LRRN1: variants seen among roughly 807,000 people sequenced by gnomAD.
LRRN1 encodes leucine-rich repeat neuronal protein 1.
Under a neutral mutation model 45.8 loss-of-function variants are expected in LRRN1, and 14 were observed. The observed-to-expected ratio is 0.31, with a 90% CI of 0.20 to 0.48. The LOEUF is 0.48. LRRN1 is among the 20% of genes least tolerant of loss of function. The pLI, the probability that LRRN1 is intolerant of heterozygous loss-of-function variation, is 0.99. For synonymous variants in LRRN1, 359 were observed against 330.1 expected, an observed-to-expected ratio of 1.09 and a Z score of -0.95; for missense variants, 789 against 874.2, an observed-to-expected ratio of 0.90 and a Z score of 1.23.
intron 1 of LRRN1, among the ~76,000 whole-genome samples, chr3:3,804,633 T>C (rs186400842): frequency 5.9e-5 from 9 of 152,316 alleles, no homozygotes; most frequent in Admixed American, 5.2e-4. Context: ...AAAGCTCCGA[T>C]TAATATAAAT....
intron 1 of LRRN1, among the ~76,000 whole-genome samples, chr3:3,831,342 G>T (rs1477159786): frequency 6.6e-6 from 1 of 152,178 alleles, no homozygotes; most frequent in African/African-American, 2.4e-5. Flanking sequence ...TTACTGAGGG[G>T]GAAGATTCCT....
chr3:3,804,299 A>G (rs1692712996), intron 1 of LRRN1: 1 of 152,192 alleles, frequency 6.6e-6, no homozygotes, highest in Non-Finnish European at 1.5e-5. Context: ...TGGAAGGACT[A>G]ACTGCCATAA....
In LRRN1 at chr3:3,848,010, A is replaced by G. The variant is rs1417614825; in HGVS notation, c.*1218A>G. ...GTATATATATATGAATATATTGGATATGTCATTTCTGTAAGAGTTTTGTTA... is the reference window on the plus strand; with the variant it reads ...GTATATATATATGAATATATTGGATGTGTCATTTCTGTAAGAGTTTTGTTA... On this transcript the variant is annotated 3_prime_UTR_variant, in exon 2 of 2. Coordinates refer to ENST00000319331, the MANE Select transcript of LRRN1 (RefSeq NM_020873.7). Among the ~76,000 whole-genome samples, 5 of 152,152 alleles carry G rather than the reference A, an allele frequency of 3.3e-5. No homozygotes were observed. The highest frequency in any genetic ancestry group is 7.2e-5 in the African/African-American group (3 of 41,444).
In LRRN1 at chr3:3,846,893, C is replaced by G; in HGVS notation, c.*101C>G. 1 of 1,065,236 alleles carries G rather than the reference C, an allele frequency of 9.4e-7. No individual in the cohort carries two copies. The highest frequency in any genetic ancestry group is 1.7e-5 in the South Asian group (1 of 57,798). 66.0% of individuals were successfully genotyped at this position (1,065,236 alleles called of 1,614,324 possible). The stretch of plus-strand genomic sequence containing the variant: ...GAAGACTTTTGTATTTTTGACTTTG[C>G]TAGTTTGTGGCAGAGTGGAGAGGAC... On this transcript the variant is annotated 3_prime_UTR_variant, in exon 2 of 2. Coordinates refer to ENST00000319331, the MANE Select transcript of LRRN1 (RefSeq NM_020873.7). This position sits in a 1 kb window ranked among gnomAD's most constrained non-coding sequence, Gnocchi z 5.7.
In LRRN1 at chr3:3,816,638, G is replaced by A. The variant is rs893757836; in HGVS notation, c.-279+16719G>A. 6.6e-6 allele frequency among the ~76,000 whole-genome samples: 1 copy of A among 152,134 alleles called. No homozygotes were observed. Among genetic ancestry groups the A allele is most frequent in the Admixed American group, 6.5e-5 (1 of 15,268 alleles). ...ACCCTTATTAAAGGCAAAAATATAGGTATTACAATTTGAAACTATAAAAGC... is the reference window on the plus strand; with the variant it reads ...ACCCTTATTAAAGGCAAAAATATAGATATTACAATTTGAAACTATAAAAGC... On this transcript the variant is annotated intron_variant, in intron 1 of 1. Coordinates refer to ENST00000319331, the MANE Select transcript of LRRN1 (RefSeq NM_020873.7). This position sits in a 1 kb window ranked among gnomAD's most constrained non-coding sequence, Gnocchi z 4.0.
At chr3:3,807,103 CG>C (rs1559280850) in intron 1 of LRRN1, among the ~76,000 whole-genome samples, 1 of 152,148 alleles carries the variant, frequency 6.6e-6, no homozygotes, top group Non-Finnish European at 1.5e-5. Flanking sequence ...TACGATGCAT[CG>C]GTTAAAAAGT....
intron 1 of LRRN1, among the ~76,000 whole-genome samples, chr3:3,837,348 TAACCCCACACCA>T (rs2106467627): frequency 6.6e-6 from 1 of 152,004 alleles, no homozygotes; most frequent in African/African-American, 2.4e-5. Context: ...CCCCATTTTA[TAACCCCACACCA>T]AGTGTCAAGA....
intron 1 of LRRN1, among the ~76,000 whole-genome samples, chr3:3,840,383 A>T (rs543977013): frequency 6.6e-6 from 1 of 152,174 alleles, no homozygotes; most frequent in Non-Finnish European, 1.5e-5. Context: ...AGTATGCATT[A>T]GGGATATTGG....
chr3:3,823,254 G>T (rs1693142608), intron 1 of LRRN1, among the ~76,000 whole-genome samples: 1 of 152,146 alleles, frequency 6.6e-6, no homozygotes, highest in South Asian at 2.1e-4. Context: ...TAGAGCATGG[G>T]CTTTGAAACC....
chr3:3,811,495 T>C (rs1347957081), intron 1 of LRRN1, among the ~76,000 whole-genome samples: 2 of 152,242 alleles, frequency 1.3e-5, no homozygotes, highest in Non-Finnish European at 2.9e-5. Context: ...TTCCGTATCA[T>C]ATGTCTATTT....
At chr3:3,806,040 G>A (rs1219879483) in intron 1 of LRRN1, among the ~76,000 whole-genome samples, 1 of 146,220 alleles carries the variant, frequency 6.8e-6, no homozygotes, top group Non-Finnish European at 1.5e-5. Context: ...TGCCTCTGAG[G>A]GGACATTAGG....
Position 3,846,067 on chromosome 3 carries a change from T to A in LRRN1, c.1426T>A (p.Tyr476Asn). 1 of 1,614,084 alleles carries A rather than the reference T, an allele frequency of 6.2e-7. No homozygotes were observed. The highest frequency in any genetic ancestry group is 8.5e-7 in the Non-Finnish European group (1 of 1,179,992). ...AACTGTGGAAACCCTTTCAGATAAA[T>A]ACAAGCTAAGTAGCGAAGGTACCTT... is the stretch of plus-strand genomic sequence containing the variant. ...KITVETLSDK[Y>N]KLSSEGTLEI... is the part of the protein sequence containing the mutation. The change falls in exon 2 of 2, where the codon TAC becomes AAC. Residue 476 changes from tyrosine (Y) to asparagine (N), a missense_variant. Tyr to Asn is a moderately radical substitution (Grantham distance 143). Transcript: ENST00000319331. This position sits in a 1 kb window ranked among gnomAD's most constrained non-coding sequence, Gnocchi z 5.7.
At chr3:3,812,481 T>C (rs1692896571) in intron 1 of LRRN1, among the ~76,000 whole-genome samples, 1 of 152,194 alleles carries the variant, frequency 6.6e-6, no homozygotes, top group Admixed American at 6.5e-5. Flanking sequence ...AGAAGACCAG[T>C]GTGGCTTAGA....
chr3:3,845,834 T>C lies in LRRN1; in HGVS notation c.1193T>C (p.Phe398Ser), dbSNP rs968735934. ...NIRFMEPLSM[F>S]CAMPPEYKGH... The stretch of plus-strand genomic sequence containing the variant: ...CGCTTCATGGAGCCCCTGTCCATGT[T>C]CTGTGCCATGCCGCCCGAATATAAA... The change falls in exon 2 of 2, where the codon TTC (phenylalanine) becomes TCC (serine). Residue 398 changes from phenylalanine (F) to serine (S), a missense_variant. Physicochemically the swap from Phe to Ser is radical, Grantham distance 155. Transcript: ENST00000319331. The surrounding 1 kb of genome is among the most constrained non-coding windows in gnomAD (Gnocchi z 6.5). The C allele has an allele frequency of 6.2e-7, 1 of 1,614,170 alleles. No homozygotes were observed. The highest frequency in any genetic ancestry group is 8.5e-7 in the Non-Finnish European group (1 of 1,180,034).
chr3:3,847,194 C>T lies in LRRN1; in HGVS notation c.*402C>T, dbSNP rs1360564657. ...CCATCCGTAGAAAGTACTTTGTCCT[C>T]CAAAAAGCTAACATACGGTTTTGAA... On this transcript the variant is annotated 3_prime_UTR_variant, in exon 2 of 2. Coordinates refer to ENST00000319331, the MANE Select transcript of LRRN1 (RefSeq NM_020873.7). 1 of 169,164 alleles carries T rather than the reference C, an allele frequency of 5.9e-6. No homozygotes were observed. Among genetic ancestry groups the T allele is most frequent in the African/African-American group, 2.4e-5 (1 of 41,468 alleles). 10.5% of individuals were successfully genotyped at this position (169,164 alleles called of 1,614,324 possible).
intron 1 of LRRN1, among the ~76,000 whole-genome samples, chr3:3,826,277 A>G (rs1693213005): frequency 6.6e-6 from 1 of 152,206 alleles, no homozygotes; most frequent in Non-Finnish European, 1.5e-5. Context: ...GATTGGAAGT[A>G]AAGTTTTCCA....
intron 1 of LRRN1, among the ~76,000 whole-genome samples, chr3:3,817,447 C>T (rs1484121042): frequency 6.6e-6 from 1 of 152,220 alleles, no homozygotes; most frequent in Non-Finnish European, 1.5e-5. Context: ...TTCACCCAAA[C>T]ACTGCTGTCT....
chr3:3,802,517 G>A (rs568068564), intron 1 of LRRN1, among the ~76,000 whole-genome samples: 1 of 152,360 alleles, frequency 6.6e-6, no homozygotes, highest in East Asian at 1.9e-4. Flanking sequence ...TGTTTCGGGG[G>A]AGGGGTGGAC....
At chr3:3,830,058 A>G (rs183601418) in intron 1 of LRRN1, among the ~76,000 whole-genome samples, 249 of 152,222 alleles carry the variant, frequency 1.6e-3, no homozygotes, top group African/African-American at 5.7e-3. Context: ...TGTTTAACCT[A>G]TATCCCTGCC....
Sources: gnomAD v4.1 joint callset for allele counts (sites outside exome capture counted in the v4.1 genomes callset) on GRCh38, gnomAD v4.1.1 for gene constraint, Gnocchi (gnomAD v3.1) non-coding constraint, MANE v1.5 for transcripts, NCBI Gene and HGNC (gene_info 2026-07-23, HGNC 2026-07-21) for gene names.